Variants in PWWP2B observed in about 807,000 individuals in gnomAD.
The protein encoded by PWWP2B is PWWP domain-containing protein 2B.
Under a neutral mutation model 15.5 loss-of-function variants are expected in PWWP2B, and 9 were observed. The observed-to-expected ratio is 0.58, with a 90% confidence interval of 0.35 to 1.02. PWWP2B has a LOEUF of 1.02. PWWP2B is among the 50% of genes least tolerant of loss of function. The pLI is 0.02. For synonymous variants in PWWP2B, 474 were observed against 403.6 expected (o/e 1.17, Z -2.09); for missense variants, 864 against 865.3 (o/e 1.00, Z 0.02).
intron 1 of PWWP2B, among the ~76,000 whole-genome samples, chr10:132,401,175 C>G (rs2069610138): frequency 6.6e-6 from 1 of 152,230 alleles, no homozygotes; most frequent in Non-Finnish European, 1.5e-5. Context: ...CCCCCGTGTC[C>G]TTGCCAGGAC....
chr10:132,413,386 C>T (rs987124019), intron 2 of PWWP2B, among the ~76,000 whole-genome samples: 4 of 152,278 alleles, frequency 2.6e-5, no homozygotes, highest in Admixed American at 1.3e-4. Context: ...GGAGGGTGCC[C>T]GCGGGCGTCC....
At chr10:132,399,803 G>T (rs1413937015) in intron 1 of PWWP2B, among the ~76,000 whole-genome samples, 1 of 152,264 alleles carries the variant, frequency 6.6e-6, no homozygotes, top group African/African-American at 2.4e-5. Context: ...TGAGGATCTT[G>T]GGTGGGGTGG....
rs757890870 is a variant in PWWP2B at position 132,405,802 on chromosome 10, C to G, written c.1302C>G (p.Ser434=). The G allele has an allele frequency of 3.7e-6, 6 of 1,607,682 alleles. No homozygotes were observed. Among genetic ancestry groups the G allele is most frequent in the Non-Finnish European group, 5.1e-6 (6 of 1,179,702 alleles). ...SSDSLDEARS[S]GSEGTPADTG... ...ACAGCCTGGACGAGGCCAGATCGTC[C>G]GGCTCGGAAGGGACGCCGGCAGACA... The change falls in exon 2 of 3, where the codon TCC becomes TCG. Residue 434 remains serine (S), a synonymous_variant. Coordinates refer to ENST00000305233, the MANE Select transcript of PWWP2B (RefSeq NM_138499.4).
At chr10:132,408,592 G>T (rs2069734455) in intron 2 of PWWP2B, among the ~76,000 whole-genome samples, 1 of 152,250 alleles carries the variant, frequency 6.6e-6, no homozygotes, top group Non-Finnish European at 1.5e-5. Flanking sequence ...GGCCACCCTG[G>T]CCTGGCCCCA....
At chr10:132,411,845 A>G (rs1196902498) in intron 2 of PWWP2B, among the ~76,000 whole-genome samples, 1 of 152,192 alleles carries the variant, frequency 6.6e-6, no homozygotes, top group African/African-American at 2.4e-5. Context: ...AGCTTCCTGC[A>G]CAAAACTTGC....
chr10:132,405,708 G>A lies in PWWP2B; in HGVS notation c.1208G>A (p.Gly403Asp), dbSNP rs1185738660. ...CCCCAGGGTCCACAGGGACGCGAGG[G>A]CTTGGCTTTTCTCGTCAGCTGCCCT... ...SCPQGPQGREGLAFLVSCPEG... is the reference protein window; with the variant it reads ...SCPQGPQGREDLAFLVSCPEG... The change falls in exon 2 of 3, where the codon GGC (glycine) becomes GAC (aspartate). Residue 403 changes from glycine to aspartate, a missense_variant. This residue lies in a region of PWWP2B where 736 missense variants were observed against 687.7 expected (regional missense o/e 1.07). Coordinates refer to ENST00000305233, the MANE Select transcript of PWWP2B (RefSeq NM_138499.4). 1 of 1,611,630 alleles carries A rather than the reference G, an allele frequency of 6.2e-7. No homozygotes were observed. Among genetic ancestry groups the A allele is most frequent in the African/African-American group, 1.3e-5 (1 of 74,938 alleles).
At chr10:132,409,241 C>T (rs2069745365) in intron 2 of PWWP2B, among the ~76,000 whole-genome samples, 1 of 152,244 alleles carries the variant, frequency 6.6e-6, no homozygotes, top group Non-Finnish European at 1.5e-5. Flanking sequence ...ACTGTGCCCT[C>T]TCAGGCTGGC....
At chr10:132,409,337 G>A (rs1282902345) in intron 2 of PWWP2B, among the ~76,000 whole-genome samples, 1 of 152,196 alleles carries the variant, frequency 6.6e-6, no homozygotes, top group African/African-American at 2.4e-5. Context: ...GGCAGGTGGT[G>A]GAGACCAGGC....
rs182855096 is a variant in PWWP2B at position 132,412,852 on chromosome 10, T to C, written c.*17-4209T>C. Among the ~76,000 whole-genome samples, 55 of 152,362 alleles carry C rather than the reference T, an allele frequency of 3.6e-4. 1 individual carries two copies. Among genetic ancestry groups the C allele is most frequent in the African/African-American group, 1.3e-3 (53 of 41,594 alleles). ...CCGAGGAGTCCCTCCTGAGCGTGTGTGTCTCGTGAAAGCGCACATGTTTGC... is the reference window on the plus strand; with the variant it reads ...CCGAGGAGTCCCTCCTGAGCGTGTGCGTCTCGTGAAAGCGCACATGTTTGC... On this transcript the variant is annotated intron_variant, in intron 2 of 2. Transcript: ENST00000305233.
chr10:132,408,500 G>C (rs529099883), intron 2 of PWWP2B, among the ~76,000 whole-genome samples: 4 of 152,214 alleles, frequency 2.6e-5, no homozygotes, highest in African/African-American at 9.6e-5. Context: ...AGGGAGGGGC[G>C]GGAGGAGGAG....
Position 132,397,311 on chromosome 10 carries a change from G to T in PWWP2B, c.85G>T (p.Glu29Ter), listed in dbSNP as rs1160194397. 1.4e-6 allele frequency: 2 copies of T among 1,432,644 alleles called. No individual in the cohort carries two copies. Among genetic ancestry groups the T allele is most frequent in the Non-Finnish European group, 9.2e-7 (1 of 1,083,100 alleles). The allele number at this position is 1,432,644 out of a possible 1,614,324, so 88.7% of individuals were successfully genotyped here. Residue 29 changes from glutamate to a stop codon, truncating the protein, a stop_gained, in exon 1 of 3, where the codon GAG (glutamate) becomes TAG (stop). Coordinates refer to ENST00000305233, the MANE Select transcript of PWWP2B (RefSeq NM_138499.4). LOFTEE classifies it high-confidence loss of function. ...GCTGGTGGTCACGGTGAGCTGCGGC[G>T]AGCGGAGCTTCGCGGGGATCCTGCT... ...GALVVTVSCG[E>*]RSFAGILLDC...
At chr10:132,414,038 C>T (rs929914248) in intron 2 of PWWP2B, among the ~76,000 whole-genome samples, 5 of 152,226 alleles carry the variant, frequency 3.3e-5, no homozygotes, top group African/African-American at 9.6e-5. Context: ...GCCTCAGTGA[C>T]GCAGAGCAGC....
intron 1 of PWWP2B, among the ~76,000 whole-genome samples, chr10:132,400,759 C>G (rs35949669): frequency 0.34 from 51,438 of 152,162 alleles, 9,067 homozygotes; most frequent in Admixed American, 0.47. Context: ...GGCTGTCCTG[C>G]GCTGCGCTGA....
chr10:132,414,983 T>G (rs2069825641), intron 2 of PWWP2B, among the ~76,000 whole-genome samples: 1 of 152,174 alleles, frequency 6.6e-6, no homozygotes, highest in African/African-American at 2.4e-5. Flanking sequence ...AAAATGCAGC[T>G]TCTCTTTAAT....
At chr10:132,415,661 TCA>T (rs200481615) in intron 2 of PWWP2B, among the ~76,000 whole-genome samples, 8 of 128,324 alleles carry the variant, frequency 6.2e-5, no homozygotes, top group East Asian at 2.3e-4. Flanking sequence ...ACACATGCAC[TCA>T]CACACTCACA....
At chr10:132,411,622 C>T (rs1026211802) in intron 2 of PWWP2B, among the ~76,000 whole-genome samples, 4 of 152,218 alleles carry the variant, frequency 2.6e-5, no homozygotes, top group African/African-American at 4.8e-5. Flanking sequence ...GGGCCGCTTC[C>T]GACCTTCAGC....
chr10:132,405,538 G>A lies in PWWP2B; in HGVS notation c.1038G>A (p.Glu346=). 1 of 1,604,000 alleles carries A rather than the reference G, an allele frequency of 6.2e-7. No individual in the cohort carries two copies. The highest frequency in any genetic ancestry group is 8.5e-7 in the Non-Finnish European group (1 of 1,178,866). Residue 346 remains glutamate (E), a synonymous_variant, in exon 2 of 3, where the codon GAG becomes GAA. Transcript: ENST00000305233. Reference sequence around the variant, plus strand: ...ACCGTCTGGGGGACAGCGAGCACGAGCCCGTGTACCGGGCCGAGCTGGTGG... The same window carrying A: ...ACCGTCTGGGGGACAGCGAGCACGAACCCGTGTACCGGGCCGAGCTGGTGG... ...KPHRLGDSEH[E]PVYRAELVGE... is the part of the protein sequence containing the mutation.
At chr10:132,397,395 G>T (rs1449458683) in intron 1 of PWWP2B, 44 bp downstream of exon 1, 1 of 1,180,946 alleles carries the variant, frequency 8.5e-7, no homozygotes, top group South Asian at 3.4e-5. Context: ...GTCCCCACGC[G>T]ACACCCGCCT....
At chr10:132,415,568 T>TAC (rs72180590) in intron 2 of PWWP2B, among the ~76,000 whole-genome samples, 41,798 of 130,030 alleles carry the variant, frequency 0.32, 6,222 homozygotes, top group Middle Eastern at 0.46. Flanking sequence ...CAAACACACA[T>TAC]ACACACACAT....
Sources: gnomAD v4.1 joint callset for allele counts (sites outside exome capture counted in the v4.1 genomes callset) on GRCh38, gnomAD v4.1.1 for gene constraint, gnomAD v4.1.1 regional missense constraint, MANE v1.5 for transcripts, NCBI Gene and HGNC (gene_info 2026-07-23, HGNC 2026-07-21) for gene names.